Variants in TM4SF1 observed in about 807,000 individuals in gnomAD.
The protein encoded by TM4SF1 is transmembrane 4 L six family member 1.
TM4SF1 carries 20 observed loss-of-function variants against 24.5 expected under a neutral mutation model. The ratio of observed to expected loss-of-function variants is 0.82; its 90% confidence interval spans 0.57 to 1.19. The LOEUF is 1.19. TM4SF1 is among the 50% of genes most tolerant of loss of function. TM4SF1 has a pLI of 0.00. For missense variants in TM4SF1, 258 were observed against 248.1 expected, an observed-to-expected ratio of 1.04 and a Z score of -0.27; for synonymous variants, 107 against 95.4, an observed-to-expected ratio of 1.12 and a Z score of -0.71.
intron 4 of TM4SF1, chr3:149,370,418 C>T (rs1731794679): frequency 6.5e-6 from 1 of 152,688 alleles, no homozygotes; most frequent in Admixed American, 6.5e-5. Flanking sequence ...AGTATCATTC[C>T]CTGCCAAATC....
intron 1 of TM4SF1, 127 bp downstream of exon 1, chr3:149,377,244 G>T: frequency 8.3e-7 from 1 of 1,201,724 alleles, no homozygotes; most frequent in Non-Finnish European, 1.2e-6. Flanking sequence ...TGCTTTCAAA[G>T]GAATGAACAG....
Position 149,375,483 on chromosome 3 carries a change from G to A in TM4SF1, c.373C>T (p.Leu125Phe), listed in dbSNP as rs1180371168. ...GCAAAGGTGTAGTTCCACTGGCCGA[G>A]GGAATCAAGACATAGTGGTCCTTCT... is the stretch of plus-strand genomic sequence containing the variant. ...LAEGPLCLDS[L>F]GQWNYTFAST... Residue 125 changes from leucine (L) to phenylalanine (F), a missense_variant, in exon 3 of 5, where the codon CTC becomes TTC. Coordinates refer to ENST00000305366, the MANE Select transcript of TM4SF1 (RefSeq NM_014220.3). 1 of 1,614,172 alleles carries A rather than the reference G, an allele frequency of 6.2e-7. No individual in the cohort carries two copies. The highest frequency in any genetic ancestry group is 1.7e-5 in the Admixed American group (1 of 60,022).
Position 149,369,839 on chromosome 3 carries a change from T to C in TM4SF1, c.*27A>G, listed in dbSNP as rs773727003. The C allele has an allele frequency of 1.1e-5, 18 of 1,607,044 alleles. No homozygotes were observed. Among genetic ancestry groups the C allele is most frequent in the East Asian group, 2.2e-5 (1 of 44,782 alleles). ...TAAATTACAATGAAATAGAGGAAGA[T>C]TGTGGCTCTGTCCTGGGTTGGTTCT... On this transcript the variant is annotated 3_prime_UTR_variant, in exon 5 of 5. Coordinates refer to ENST00000305366, the MANE Select transcript of TM4SF1 (RefSeq NM_014220.3).
intron 3 of TM4SF1, among the ~76,000 whole-genome samples, chr3:149,372,936 G>A (rs1043755211): frequency 1.3e-5 from 2 of 152,164 alleles, no homozygotes; most frequent in Non-Finnish European, 2.9e-5. Context: ...CACAGGGCAC[G>A]GGCTCTGTCC....
intron 3 of TM4SF1, among the ~76,000 whole-genome samples, chr3:149,372,776 AC>A (rs1462800370): frequency 6.6e-6 from 1 of 152,178 alleles, no homozygotes; most frequent in Non-Finnish European, 1.5e-5. Context: ...GGCGTGAACC[AC>A]CACGCCCGGC....
chr3:149,375,054 A>G (rs1484991921), intron 3 of TM4SF1, among the ~76,000 whole-genome samples: 1 of 152,142 alleles, frequency 6.6e-6, no homozygotes, highest in Non-Finnish European at 1.5e-5. Context: ...TAGGGTTATT[A>G]TAAGGACTGA....
Position 149,369,776 on chromosome 3 carries a change from T to C in TM4SF1, c.*90A>G. The C allele has an allele frequency of 6.5e-7, 1 of 1,547,192 alleles. No homozygotes were observed. Among genetic ancestry groups the C allele is most frequent in the Middle Eastern group, 1.7e-4 (1 of 5,904 alleles). Reference sequence around the variant, plus strand: ...GTAGACTGTGGGGAGTATGTTACACTAATACAAAGTTTTACAAATGAATAC... The same window carrying C: ...GTAGACTGTGGGGAGTATGTTACACCAATACAAAGTTTTACAAATGAATAC... On this transcript the variant is annotated 3_prime_UTR_variant, in exon 5 of 5. Coordinates refer to ENST00000305366, the MANE Select transcript of TM4SF1 (RefSeq NM_014220.3).
At chr3:149,374,578 A>G (rs1036302720) in intron 3 of TM4SF1, among the ~76,000 whole-genome samples, 4 of 152,332 alleles carry the variant, frequency 2.6e-5, no homozygotes, top group Non-Finnish European at 4.4e-5. Context: ...GATAAAAAAA[A>G]TAAGTATCAA....
At chr3:149,374,934 C>T (rs1731911713) in intron 3 of TM4SF1, among the ~76,000 whole-genome samples, 1 of 152,184 alleles carries the variant, frequency 6.6e-6, no homozygotes, top group African/African-American at 2.4e-5. Flanking sequence ...TACATCTAGA[C>T]TGCCTGGGTT....
At chr3:149,371,315 T>C (rs1731814228) in intron 4 of TM4SF1, 1 of 397,446 alleles carries the variant, frequency 2.5e-6, no homozygotes, top group Non-Finnish European at 4.5e-6. Flanking sequence ...CATTGAATGG[T>C]TGGCTATTAC....
In TM4SF1 at chr3:149,371,779, C is replaced by T. The variant is rs1407077980; in HGVS notation, c.502G>A (p.Ala168Thr). ...WNVSLFSILL[A>T]LGGIEFILCL... is the part of the protein sequence containing the mutation. ...AAGATGAATTCAATTCCACCAAGAG[C>T]CAAGAGGATAGAAAACAGAGATACA... Residue 168 changes from alanine (A) to threonine (T), a missense_variant, in exon 4 of 5, where the codon GCT becomes ACT. Transcript: ENST00000305366. 1.2e-6 allele frequency: 2 copies of T among 1,613,876 alleles called. No individual in the cohort carries two copies. Among genetic ancestry groups the T allele is most frequent in the African/African-American group, 2.7e-5 (2 of 74,838 alleles).
intron 1 of TM4SF1, among the ~76,000 whole-genome samples, chr3:149,376,241 G>A (rs572591598): frequency 6.6e-6 from 1 of 152,298 alleles, no homozygotes; most frequent in East Asian, 1.9e-4. Context: ...TTATACAAAT[G>A]CATAGTTTTA....
chr3:149,369,950 T>G (rs1280037621), intron 4 of TM4SF1, 70 bp from the exon 5 acceptor site: 3 of 1,549,854 alleles, frequency 1.9e-6, no homozygotes, highest in Admixed American at 4.3e-5. Context: ...GTCCTTTAAG[T>G]TCCTATTTTA....
In TM4SF1 at chr3:149,375,712, A is replaced by G. The variant is rs142060157; in HGVS notation, c.235T>C (p.Cys79Arg). 5.6e-5 allele frequency: 91 copies of G among 1,614,242 alleles called. 1 individual carries two copies. Among genetic ancestry groups the G allele is most frequent in the Non-Finnish European group, 7.6e-5 (90 of 1,180,044 alleles). ...CGTTTGCCACAGTTTTCATGGCCAC[A>G]GCAGCCACAGCAGTCATCCTGTTCC... ...GLEQDDCCGCCGHENCGKRCA... is the reference protein window; with the variant it reads ...GLEQDDCCGCRGHENCGKRCA... The change falls in exon 2 of 5, where the codon TGT becomes CGT. Residue 79 changes from cysteine to arginine, a missense_variant. Coordinates refer to ENST00000305366, the MANE Select transcript of TM4SF1 (RefSeq NM_014220.3).
At chr3:149,374,651 A>G (rs1731906212) in intron 3 of TM4SF1, among the ~76,000 whole-genome samples, 2 of 152,220 alleles carry the variant, frequency 1.3e-5, no homozygotes, top group Admixed American at 6.5e-5. Flanking sequence ...CCTTACTTAT[A>G]TAGCTTAATA....
At chr3:149,371,907 T>C (rs1484627281) in intron 3 of TM4SF1, 40 bp from the exon 4 acceptor site, 12 of 1,591,558 alleles carry the variant, frequency 7.5e-6, no homozygotes, top group African/African-American at 1.3e-5. Context: ...ACGGTCATAC[T>C]TGAGGGGATA....
chr3:149,370,582 T>G (rs1731797862), intron 4 of TM4SF1: 1 of 152,218 alleles, frequency 6.6e-6, no homozygotes, highest in African/African-American at 2.4e-5. Context: ...TAGAGGATAC[T>G]TCTCTGCCCT....
intron 3 of TM4SF1, among the ~76,000 whole-genome samples, chr3:149,374,107 A>G (rs138314601): frequency 8.1e-6 from 1 of 123,242 alleles, no homozygotes; most frequent in Non-Finnish European, 1.7e-5. Flanking sequence ...AACAGCTAAC[A>G]GTGGCAGTTG....
rs1366786800 is a variant in TM4SF1 at position 149,377,534 on chromosome 3, T to C, written c.14A>G (p.Lys5Arg). The change falls in exon 1 of 5, where the codon AAG (lysine) becomes AGG (arginine). Residue 5 changes from lysine (K) to arginine (R), a missense_variant. Coordinates refer to ENST00000305366, the MANE Select transcript of TM4SF1 (RefSeq NM_014220.3). MCYG[K>R]CARCIGHSLV... ...AGAATGTCCGATGCATCGTGCACAC[T>C]TCCCATAGCACATGGTGGTCTGCTA... is the stretch of plus-strand genomic sequence containing the variant. 6.2e-7 allele frequency: 1 copy of C among 1,613,306 alleles called. No homozygotes were observed. Among genetic ancestry groups the C allele is most frequent in the East Asian group, 2.2e-5 (1 of 44,864 alleles).
Sources: allele counts gnomAD v4.1 joint callset (sites outside exome capture counted in the v4.1 genomes callset), GRCh38; gene constraint gnomAD v4.1.1; transcripts MANE v1.5; gene names NCBI Gene and HGNC (gene_info 2026-07-23, HGNC 2026-07-21).